The following ANAPC10 variants were observed in gnomAD, a reference collection of about 807,000 sequenced individuals.
ANAPC10 encodes anaphase-promoting complex subunit 10.
Under a neutral mutation model 22.0 loss-of-function variants are expected in ANAPC10, and 12 were observed. The observed-to-expected ratio is 0.55, with a 90% confidence interval of 0.35 to 0.88. The LOEUF (loss-of-function observed/expected upper bound fraction) is 0.88, where lower values mean the gene tolerates loss of function less well. Among genes scored for constraint, ANAPC10 ranks in the 40% least tolerant of loss-of-function variants. The pLI is 0.01. For missense variants in ANAPC10, 188 were observed against 220.9 expected, an observed-to-expected ratio of 0.85 and a Z score of 0.94; for synonymous variants, 65 against 69.5, an observed-to-expected ratio of 0.94 and a Z score of 0.32.
intron 4 of ANAPC10, among the ~76,000 whole-genome samples, chr4:145,032,323 A>G (rs1737715182): frequency 6.6e-6 from 1 of 152,196 alleles, no homozygotes; most frequent in African/African-American, 2.4e-5. Context: ...AAATGGCCGG[A>G]TGTACAATTA....
At chr4:145,029,031 G>T (rs1317149487) in intron 4 of ANAPC10, among the ~76,000 whole-genome samples, 2 of 152,196 alleles carry the variant, frequency 1.3e-5, no homozygotes, top group African/African-American at 4.8e-5. Flanking sequence ...TGCAACGAAA[G>T]ATGCATGTAC....
intron 2 of ANAPC10, among the ~76,000 whole-genome samples, chr4:145,087,910 T>C (rs1271701066): frequency 1.3e-5 from 2 of 151,998 alleles, no homozygotes; most frequent in Non-Finnish European, 2.9e-5. Context: ...TAGCTGAGTG[T>C]GGTGGTGCGC....
chr4:145,053,795 AG>A (rs930975961), intron 4 of ANAPC10: 3 of 648,052 alleles, frequency 4.6e-6, no homozygotes, highest in Non-Finnish European at 5.5e-6. Flanking sequence ...AAAAAAAAAA[AG>A]GTTCCTGACT....
Position 145,061,413 on chromosome 4 carries a change from G to A in ANAPC10, c.327+3159C>T, listed in dbSNP as rs1036503858. Among the ~76,000 whole-genome samples, 12 of 152,028 alleles carry A rather than the reference G, an allele frequency of 7.9e-5. 1 individual carries two copies. The highest frequency in any genetic ancestry group is 2.7e-4 in the African/African-American group (11 of 41,390). On this transcript the variant is annotated intron_variant, in intron 4 of 4. Coordinates refer to ENST00000507656, the MANE Select transcript of ANAPC10 (RefSeq NM_001256706.2). ...ATGAATATGTACACTTCCCAAAAAT[G>A]CATCAAAGAGTTCTTGAATATATAT...
In ANAPC10 at chr4:145,055,568, A is replaced by T. The variant is rs145720810; in HGVS notation, c.327+9004T>A. On this transcript the variant is annotated intron_variant, in intron 4 of 4. Coordinates refer to ENST00000507656, the MANE Select transcript of ANAPC10 (RefSeq NM_001256706.2). Reference sequence around the variant, plus strand: ...GCTAGACACTGTCTCAATAAATAAAAAAAAAATTAAATAAAAAAAAAAGGA... The same window carrying T: ...GCTAGACACTGTCTCAATAAATAAATAAAAAATTAAATAAAAAAAAAAGGA... Among the ~76,000 whole-genome samples, 680 of 152,258 alleles carry T rather than the reference A, an allele frequency of 4.5e-3. 7 individuals carry two copies. Among genetic ancestry groups the T allele is most frequent in the African/African-American group, 0.015 (639 of 41,538 alleles).
At chr4:144,996,454 C>T (rs1731627938) in intron 4 of ANAPC10, among the ~76,000 whole-genome samples, 2 of 152,134 alleles carry the variant, frequency 1.3e-5, no homozygotes, top group Non-Finnish European at 1.5e-5. Context: ...AGACTTGGCG[C>T]TCCCATGCAC....
At chr4:145,096,387 A>G (rs962507142) in intron 1 of ANAPC10, among the ~76,000 whole-genome samples, 20 of 152,094 alleles carry the variant, frequency 1.3e-4, no homozygotes, top group African/African-American at 4.8e-4. Context: ...GCAAGACCCC[A>G]TCTCTATTTT....
intron 4 of ANAPC10, among the ~76,000 whole-genome samples, chr4:145,051,659 C>T (rs1026017730): frequency 6.6e-6 from 1 of 151,574 alleles, no homozygotes; most frequent in Non-Finnish European, 1.5e-5. Flanking sequence ...TCATGAATCT[C>T]AAAGAATTCA....
chr4:145,011,118 G>A (rs992482261), intron 4 of ANAPC10, among the ~76,000 whole-genome samples: 1 of 151,892 alleles, frequency 6.6e-6, no homozygotes, highest in African/African-American at 2.4e-5. Context: ...GATCACCCGA[G>A]GTCAGGAGTT....
At chr4:145,086,207 C>T (rs1746873481) in intron 2 of ANAPC10, among the ~76,000 whole-genome samples, 1 of 152,162 alleles carries the variant, frequency 6.6e-6, no homozygotes, top group Admixed American at 6.5e-5. Flanking sequence ...AAGTGATCCA[C>T]TGGCCTCAGT....
intron 4 of ANAPC10, among the ~76,000 whole-genome samples, chr4:145,006,491 C>T (rs1733389156): frequency 2.0e-5 from 3 of 152,026 alleles, no homozygotes; most frequent in Admixed American, 2.0e-4. Context: ...AACATCAGAC[C>T]AGATGATACA....
intron 2 of ANAPC10, among the ~76,000 whole-genome samples, chr4:145,088,885 C>T (rs1747270930): frequency 6.6e-6 from 1 of 152,140 alleles, no homozygotes; most frequent in Non-Finnish European, 1.5e-5. Context: ...TCCACTCTAC[C>T]ATTTCTCCTC....
At chr4:145,081,595 T>C in intron 3 of ANAPC10, 65 bp downstream of exon 3, 1 of 1,022,664 alleles carries the variant, frequency 9.8e-7, no homozygotes, top group Non-Finnish European at 1.5e-6. Flanking sequence ...ATTTTTATGT[T>C]AATAAAATAG....
intron 3 of ANAPC10, among the ~76,000 whole-genome samples, chr4:145,075,293 G>T (rs761766229): frequency 8.5e-5 from 13 of 152,176 alleles, no homozygotes; most frequent in Admixed American, 3.3e-4. Context: ...CAAAAGGAAG[G>T]AAGAGAAGTG....
At chr4:145,097,556 ATACT>A (rs1382468360) in intron 1 of ANAPC10, 29 of 1,286,758 alleles carry the variant, frequency 2.3e-5, no homozygotes, top group African/African-American at 6.1e-5. Context: ...CAAGCACTTG[ATACT>A]TACTAAATAA....
At chr4:145,020,227 T>C (rs1302839583) in intron 4 of ANAPC10, among the ~76,000 whole-genome samples, 2 of 152,092 alleles carry the variant, frequency 1.3e-5, no homozygotes, top group African/African-American at 4.8e-5. Flanking sequence ...ACCAAAAAGA[T>C]AAACTACCAC....
intron 4 of ANAPC10, among the ~76,000 whole-genome samples, chr4:145,059,729 T>C (rs751916722): frequency 6.6e-6 from 1 of 152,006 alleles, no homozygotes; most frequent in Non-Finnish European, 1.5e-5. Context: ...AAAACAACAA[T>C]AACTAGTTAG....
chr4:145,030,988 T>C (rs549601567), intron 4 of ANAPC10, among the ~76,000 whole-genome samples: 19 of 152,310 alleles, frequency 1.2e-4, no homozygotes, highest in African/African-American at 4.6e-4. Context: ...CTGTACCAGA[T>C]GTGGTTTCAT....
intron 4 of ANAPC10, among the ~76,000 whole-genome samples, chr4:145,014,282 G>C (rs1290310680): frequency 6.6e-6 from 1 of 152,068 alleles, no homozygotes; most frequent in African/African-American, 2.4e-5. Flanking sequence ...CCTTTGGATT[G>C]TGTGGAAGCT....
Sources: gnomAD v4.1 joint callset for allele counts (sites outside exome capture counted in the v4.1 genomes callset) on GRCh38, gnomAD v4.1.1 for gene constraint, MANE v1.5 for transcripts, NCBI Gene and HGNC (gene_info 2026-07-23, HGNC 2026-07-21) for gene names.